Variants in JAKMIP2 observed in about 807,000 individuals in gnomAD.
JAKMIP2 encodes the protein janus kinase and microtubule interacting protein 2.
Under a neutral mutation model 115.0 loss-of-function variants are expected in JAKMIP2, and 25 were observed. That is an observed-to-expected ratio of 0.22 (90% CI 0.16 to 0.30). JAKMIP2 has a LOEUF of 0.30. Among genes scored for constraint, JAKMIP2 ranks in the 10% least tolerant of loss-of-function variants. The pLI is 1.00. For synonymous variants in JAKMIP2, 334 were observed against 343.6 expected, an observed-to-expected ratio of 0.97 and a Z score of 0.31; for missense variants, 642 against 957.6, an observed-to-expected ratio of 0.67 and a Z score of 4.35.
At chr5:147,704,089 T>G (rs1020750478) in intron 1 of JAKMIP2, among the ~76,000 whole-genome samples, 1 of 152,144 alleles carries the variant, frequency 6.6e-6, no homozygotes, top group Non-Finnish European at 1.5e-5. Context: ...TCTCCTATAT[T>G]AACAATGCCT....
At chr5:147,762,902 T>C (rs1291326486) in intron 1 of JAKMIP2, among the ~76,000 whole-genome samples, 3 of 152,170 alleles carry the variant, frequency 2.0e-5, no homozygotes, top group African/African-American at 7.2e-5. Context: ...GCTTTTGATA[T>C]GAATTGACAA....
At chr5:147,683,118 AG>A (rs1760383099) in intron 1 of JAKMIP2, among the ~76,000 whole-genome samples, 1 of 152,242 alleles carries the variant, frequency 6.6e-6, no homozygotes, top group Admixed American at 6.5e-5. Flanking sequence ...TATGTATTCA[AG>A]GTCAGGCAGA....
At chr5:147,722,971 G>T (rs912612837) in intron 1 of JAKMIP2, among the ~76,000 whole-genome samples, 3 of 151,892 alleles carry the variant, frequency 2.0e-5, no homozygotes, top group African/African-American at 7.3e-5. Flanking sequence ...AAGCATTTTT[G>T]GGGGATGAAA....
rs754922994 is a variant in JAKMIP2 at position 147,632,719 on chromosome 5, G to A, written c.1737C>T (p.Asp579=). Residue 579 remains aspartate, a synonymous_variant, in exon 13 of 22, where the codon GAC becomes GAT. Coordinates refer to ENST00000616793, the MANE Select transcript of JAKMIP2 (RefSeq NM_001270941.2). ...RLQQELQDAR[D]QNELLEFRNL... ...TTCGAAACTCCAGCAGCTCATTCTG[G>A]TCTCTGGCGTCCTGTAGTTCTTGTT... 4.3e-6 allele frequency: 7 copies of A among 1,612,788 alleles called. No individual in the cohort carries two copies. The highest frequency in any genetic ancestry group is 5.1e-6 in the Non-Finnish European group (6 of 1,179,364).
At position 147,591,348 on chromosome 5, in the gene JAKMIP2, T is replaced by G. The variant is rs1044543812; in HGVS notation, c.*359A>C. 1 of 295,044 alleles carries G rather than the reference T, an allele frequency of 3.4e-6. No homozygotes were observed. The highest frequency in any genetic ancestry group is 8.4e-5 in the East Asian group (1 of 11,908). The allele number at this position is 295,044 out of a possible 1,614,324, so 18.3% of individuals were successfully genotyped here. A position where few individuals can be genotyped will look rare whatever the true frequency, so the allele number is the denominator to read the frequency against. Reference sequence around the variant, plus strand: ...AGGGGTTGAATATTTCATTGTAACTTTGGTTCCATGCCCAAGACACATCTT... The same window carrying G: ...AGGGGTTGAATATTTCATTGTAACTGTGGTTCCATGCCCAAGACACATCTT... On this transcript the variant is annotated 3_prime_UTR_variant, in exon 22 of 22. Transcript: ENST00000616793.
intron 1 of JAKMIP2, among the ~76,000 whole-genome samples, chr5:147,781,868 C>A (rs1015363815): frequency 6.6e-6 from 1 of 152,050 alleles, no homozygotes; most frequent in African/African-American, 2.4e-5. Context: ...ATCTGTATAT[C>A]CATAAGATAT....
At chr5:147,609,356 G>A (rs1224322627) in intron 20 of JAKMIP2, among the ~76,000 whole-genome samples, 3 of 152,142 alleles carry the variant, frequency 2.0e-5, no homozygotes, top group Non-Finnish European at 4.4e-5. Context: ...AGGAACTCTT[G>A]TAAGGCAGGC....
chr5:147,602,940 T>C (rs1755783233), intron 20 of JAKMIP2, among the ~76,000 whole-genome samples: 1 of 152,178 alleles, frequency 6.6e-6, no homozygotes, highest in African/African-American at 2.4e-5. Context: ...TGGTGGCTAG[T>C]CTATTATTCT....
chr5:147,607,620 C>A (rs1037653813), intron 20 of JAKMIP2, among the ~76,000 whole-genome samples: 9 of 152,088 alleles, frequency 5.9e-5, no homozygotes, highest in African/African-American at 2.2e-4. Context: ...ATCAGGGATA[C>A]TGGCCTGAAA....
rs146613896 is a variant in JAKMIP2 at position 147,608,560 on chromosome 5, C to G, written c.2412+3746G>C. ...GAGACTGTTTGTTATGATTTCTGTT[C>G]TTTTGCATTTGCTGAGGAGTGTTTT... On this transcript the variant is annotated intron_variant, in intron 20 of 21. Transcript: ENST00000616793. Among the ~76,000 whole-genome samples, 905 of 152,208 alleles carry G rather than the reference C, an allele frequency of 5.9e-3. 15 individuals carry two copies. Among genetic ancestry groups the G allele is most frequent in the African/African-American group, 0.021 (871 of 41,530 alleles).
In JAKMIP2 at chr5:147,643,963, T is replaced by C. The variant is rs1024640606; in HGVS notation, c.1224+95A>G. 19 of 1,024,542 alleles carry C rather than the reference T, an allele frequency of 1.9e-5. No homozygotes were observed. In the African/African-American group the frequency reaches 3.0e-4, roughly 16 times the overall value. The allele number at this position is 1,024,542 out of a possible 1,614,324, so 63.5% of individuals were successfully genotyped here. On this transcript the variant is annotated intron_variant, in intron 7 of 21. Coordinates refer to ENST00000616793, the MANE Select transcript of JAKMIP2 (RefSeq NM_001270941.2). ...TATTTAACATATGAACTTGGGCCTC[T>C]GGGGTTAAACTAAAATTAACTGCTT...
intron 1 of JAKMIP2, among the ~76,000 whole-genome samples, chr5:147,719,896 G>T (rs991198087): frequency 1.3e-5 from 2 of 152,130 alleles, no homozygotes; most frequent in African/African-American, 4.8e-5. Flanking sequence ...TCATGATGAT[G>T]TTAGCTGGTG....
intron 1 of JAKMIP2, among the ~76,000 whole-genome samples, chr5:147,710,102 AG>A (rs1203973409): frequency 6.6e-6 from 1 of 152,224 alleles, no homozygotes; most frequent in East Asian, 1.9e-4. Context: ...TGAATAAATG[AG>A]TCAGGAAATA....
At chr5:147,747,076 C>T (rs1754373622) in intron 1 of JAKMIP2, among the ~76,000 whole-genome samples, 1 of 152,150 alleles carries the variant, frequency 6.6e-6, no homozygotes, top group African/African-American at 2.4e-5. Context: ...CCCACTCTCC[C>T]ACATACCATA....
intron 1 of JAKMIP2, among the ~76,000 whole-genome samples, chr5:147,713,366 A>T (rs1310095644): frequency 6.6e-6 from 1 of 152,204 alleles, no homozygotes; most frequent in African/African-American, 2.4e-5. Context: ...AATAAAAGCT[A>T]AACTTTATTG....
intron 1 of JAKMIP2, among the ~76,000 whole-genome samples, chr5:147,730,450 T>A (rs1265811043): frequency 1.7e-5 from 2 of 114,866 alleles, no homozygotes; most frequent in Non-Finnish European, 3.3e-5. Flanking sequence ...CTTGCCCTAT[T>A]TTTTTTTTTT....
intron 19 of JAKMIP2, among the ~76,000 whole-genome samples, chr5:147,616,220 A>T (rs1170631653): frequency 6.6e-6 from 1 of 152,200 alleles, no homozygotes; most frequent in African/African-American, 2.4e-5. Context: ...GTTATATATA[A>T]AAAATCCTGG....
chr5:147,718,813 T>A (rs1279762302), intron 1 of JAKMIP2, among the ~76,000 whole-genome samples: 13 of 151,958 alleles, frequency 8.6e-5, no homozygotes, highest in Admixed American at 2.6e-4. Context: ...TGGATTCATT[T>A]ATTTTTTGAA....
At chr5:147,614,956 C>G (rs1756498713) in intron 19 of JAKMIP2, among the ~76,000 whole-genome samples, 1 of 152,186 alleles carries the variant, frequency 6.6e-6, no homozygotes. Flanking sequence ...TTCAGAGAGG[C>G]CTCCTCTGAC....
Sources: allele counts gnomAD v4.1 joint callset (sites outside exome capture counted in the v4.1 genomes callset), GRCh38; gene constraint gnomAD v4.1.1; transcripts MANE v1.5; gene names NCBI Gene and HGNC (gene_info 2026-07-23, HGNC 2026-07-21).